Variants in DCC observed in about 807,000 individuals in gnomAD.
DCC encodes the protein netrin receptor DCC.
Under a neutral mutation model 172.5 loss-of-function variants are expected in DCC, and 58 were observed. The ratio of observed to expected loss-of-function variants is 0.34; its 90% CI spans 0.27 to 0.42. The LOEUF is 0.42. Among genes scored for constraint, DCC ranks in the 10% least tolerant of loss-of-function variants. The pLI, the probability that DCC is intolerant of heterozygous loss-of-function variation, is 1.00. For missense variants in DCC, 1,740 were observed against 1,791.0 expected, an observed-to-expected ratio of 0.97 and a Z score of 0.51; for synonymous variants, 709 against 644.5, an observed-to-expected ratio of 1.10 and a Z score of -1.52.
intron 5 of DCC, among the ~76,000 whole-genome samples, chr18:52,954,223 T>C (rs1456631483): frequency 1.3e-5 from 2 of 152,178 alleles, no homozygotes; most frequent in Non-Finnish European, 2.9e-5. Context: ...AGAATACTTG[T>C]GGTTAAGCCT....
intron 2 of DCC, among the ~76,000 whole-genome samples, chr18:52,757,513 C>T (rs576653630): frequency 6.6e-6 from 1 of 152,126 alleles, no homozygotes; most frequent in Non-Finnish European, 1.5e-5. Flanking sequence ...CCACACAGCT[C>T]CTTGTCCACT....
intron 2 of DCC, among the ~76,000 whole-genome samples, chr18:52,842,135 T>G (rs925359488): frequency 5.3e-5 from 8 of 152,182 alleles, no homozygotes; most frequent in Non-Finnish European, 1.2e-4. Context: ...GTACAGTAAC[T>G]GTTAATGCCT....
intron 5 of DCC, among the ~76,000 whole-genome samples, chr18:52,958,269 CAATCTATCAAAAATAGAT>C (rs2040781053): frequency 6.6e-6 from 1 of 151,620 alleles, no homozygotes; most frequent in African/African-American, 2.4e-5. Context: ...TTTGTGGTAA[CAATCTATCAAAAATAGAT>C]AATCTATCAA....
At chr18:52,912,019 C>T (rs1267959809) in intron 3 of DCC, among the ~76,000 whole-genome samples, 1 of 151,862 alleles carries the variant, frequency 6.6e-6, no homozygotes, top group Non-Finnish European at 1.5e-5. Context: ...AGTCTATTTC[C>T]ATGGATTCTG....
At chr18:52,872,833 C>T (rs2039343359) in intron 2 of DCC, among the ~76,000 whole-genome samples, 1 of 152,142 alleles carries the variant, frequency 6.6e-6, no homozygotes, top group East Asian at 1.9e-4. Flanking sequence ...CTTGTAAGAG[C>T]TCAGTGATGA....
chr18:52,612,783 T>C lies in DCC; in HGVS notation c.92-139271T>C, dbSNP rs190803999. Among the ~76,000 whole-genome samples the C allele has an allele frequency of 8.5e-5, 13 of 152,372 alleles. No homozygotes were observed. The East Asian group carries it at 2.1e-3, about 25-fold the overall frequency. Reference sequence around the variant, plus strand: ...AGAAAATATATCTCATAAGTATATGTTGGTACTTTAAACATTTTGCCATTT... The same window carrying C: ...AGAAAATATATCTCATAAGTATATGCTGGTACTTTAAACATTTTGCCATTT... On this transcript the variant is annotated intron_variant, in intron 1 of 28. Transcript: ENST00000442544.
chr18:52,453,044 G>A (rs1308355858), intron 1 of DCC, among the ~76,000 whole-genome samples: 1 of 152,202 alleles, frequency 6.6e-6, no homozygotes, highest in Non-Finnish European at 1.5e-5. Context: ...TGCATGCATT[G>A]GTGTGTCTGT....
intron 12 of DCC, among the ~76,000 whole-genome samples, chr18:53,256,536 A>C (rs2056518411): frequency 6.6e-6 from 1 of 151,974 alleles, no homozygotes; most frequent in African/African-American, 2.4e-5. Context: ...ATGCGGCATT[A>C]TTTCTGAGGG....
intron 2 of DCC, chr18:52,758,804 T>A (rs2037114874): frequency 6.6e-6 from 1 of 152,172 alleles, no homozygotes; most frequent in Non-Finnish European, 1.5e-5. Flanking sequence ...TATAAGAATT[T>A]TGCCTAGAAG....
At chr18:53,329,041 A>G (rs1236758819) in intron 14 of DCC, among the ~76,000 whole-genome samples, 1 of 152,162 alleles carries the variant, frequency 6.6e-6, no homozygotes, top group Non-Finnish European at 1.5e-5. Context: ...CCCATCATCT[A>G]ATTAAGGTAT....
chr18:52,401,987 G>A (rs192236996), intron 1 of DCC, among the ~76,000 whole-genome samples: 3 of 152,004 alleles, frequency 2.0e-5, no homozygotes, highest in East Asian at 1.9e-4. Flanking sequence ...CGATATTATA[G>A]GATGTAAAAT....
intron 2 of DCC, among the ~76,000 whole-genome samples, chr18:52,782,085 TAAGA>T (rs768779812): frequency 6.5e-4 from 99 of 152,126 alleles, no homozygotes; most frequent in Non-Finnish European, 1.2e-3. Context: ...TGAGTAGAAC[TAAGA>T]AAGGAAACAA....
At chr18:52,960,332 C>T (rs548933833) in intron 5 of DCC, among the ~76,000 whole-genome samples, 2 of 152,244 alleles carry the variant, frequency 1.3e-5, no homozygotes, top group African/African-American at 4.8e-5. Context: ...AATCACTACA[C>T]TTTACATTGC....
intron 7 of DCC, among the ~76,000 whole-genome samples, chr18:53,079,648 G>T (rs796807314): frequency 1.8e-4 from 27 of 152,202 alleles, no homozygotes; most frequent in African/African-American, 6.3e-4. Context: ...AGATATAGGG[G>T]TAAGAAAAAG....
rs115363705 is a variant in DCC at position 53,157,636 on chromosome 18, C to T, written c.1418+124C>T. 2,223 of 932,916 alleles carry T rather than the reference C, an allele frequency of 2.4e-3. 33 individuals carry two copies. In the African/African-American group the frequency reaches 0.031, roughly 13 times the overall value. The allele number at this position is 932,916 out of a possible 1,614,324, so 57.8% of individuals were successfully genotyped here. A position where few individuals can be genotyped will look rare whatever the true frequency, so the allele number is the denominator to read the frequency against. ...AGAGGCTGTGAAATCTCTACTATGT[C>T]CTTCACTCATTCCCCAGTGGAGATG... On this transcript the variant is annotated intron_variant, in intron 8 of 28. Transcript: ENST00000442544.
At chr18:52,797,344 T>A (rs2037895742) in intron 2 of DCC, among the ~76,000 whole-genome samples, 1 of 152,218 alleles carries the variant, frequency 6.6e-6, no homozygotes, top group Non-Finnish European at 1.5e-5. Context: ...TGTCCTTATG[T>A]TAATATCTGC....
intron 23 of DCC, among the ~76,000 whole-genome samples, chr18:53,452,115 G>A (rs191387427): frequency 3.7e-4 from 56 of 152,298 alleles, no homozygotes; most frequent in African/African-American, 1.3e-3. Flanking sequence ...GGCTCTGGAG[G>A]GGAAAGTAAC....
chr18:53,196,949 GT>G (rs1317245249), intron 9 of DCC, among the ~76,000 whole-genome samples: 1 of 151,862 alleles, frequency 6.6e-6, no homozygotes, highest in East Asian at 1.9e-4. Flanking sequence ...TCAAGGAGAG[GT>G]TTCATTATGT....
chr18:53,327,517 A>C (rs2057479676), intron 14 of DCC, among the ~76,000 whole-genome samples: 1 of 152,188 alleles, frequency 6.6e-6, no homozygotes, highest in South Asian at 2.1e-4. Flanking sequence ...TGTGATTTAA[A>C]ATCGACTCTC....
Sources: gnomAD v4.1 joint callset for allele counts (sites outside exome capture counted in the v4.1 genomes callset) on GRCh38, gnomAD v4.1.1 for gene constraint, MANE v1.5 for transcripts, NCBI Gene and HGNC (gene_info 2026-07-23, HGNC 2026-07-21) for gene names.